The following SLC39A14 variants were observed in gnomAD, a reference collection of about 807,000 sequenced individuals.
The protein encoded by SLC39A14 is solute carrier family 39 member 14, also known as metal cation symporter ZIP14.
SLC39A14 carries 19 observed loss-of-function variants against 45.5 expected under a neutral mutation model. That is an observed-to-expected ratio of 0.42 (90% CI 0.29 to 0.61). The LOEUF (loss-of-function observed/expected upper bound fraction) is 0.61, where lower values mean the gene tolerates loss of function less well. Among genes scored for constraint, SLC39A14 ranks in the 20% least tolerant of loss-of-function variants. SLC39A14 has a pLI of 0.22. For missense variants in SLC39A14, 447 were observed against 616.5 expected (o/e 0.73, Z 2.91); for synonymous variants, 264 against 251.3 (o/e 1.05, Z -0.48).
At chr8:22,381,785 A>G (rs1833527006) in intron 1 of SLC39A14, among the ~76,000 whole-genome samples, 1 of 152,224 alleles carries the variant, frequency 6.6e-6, no homozygotes, top group Non-Finnish European at 1.5e-5. Context: ...ACATGTGACA[A>G]AAGGTTAATA....
At chr8:22,378,634 C>A (rs994983682) in intron 1 of SLC39A14, among the ~76,000 whole-genome samples, 1 of 152,214 alleles carries the variant, frequency 6.6e-6, no homozygotes, top group Admixed American at 6.5e-5. Context: ...CAAGAGGAGC[C>A]ATCCTTGTAA....
intron 8 of SLC39A14, among the ~76,000 whole-genome samples, chr8:22,430,130 G>C (rs534852670): frequency 7.4e-4 from 112 of 152,304 alleles, no homozygotes; most frequent in Middle Eastern, 6.8e-3. Context: ...GAAAGGAGAA[G>C]ACATTTGTTT....
At position 22,412,120 on chromosome 8, in the gene SLC39A14, A is replaced by T. The variant is rs1835607387; in HGVS notation, c.541A>T (p.Thr181Ser). 4.5e-6 allele frequency: 7 copies of T among 1,551,578 alleles called. No individual in the cohort carries two copies. The highest frequency in any genetic ancestry group is 6.1e-6 in the Non-Finnish European group (7 of 1,146,972). The stretch of plus-strand genomic sequence containing the variant: ...CAGCGTGGTGCCCTTCATGAAGAAG[A>T]CCTTTTACAAGAGGCTGCTGCTCTA... The part of the protein sequence containing the change: ...GASVVPFMKK[T>S]FYKRLLLYFI... Residue 181 changes from threonine to serine, a missense_variant, in exon 4 of 9, where the codon ACC becomes TCC. Around this residue, in one of 2 missense-constraint regions of SLC39A14, gnomAD observed 342 missense variants for 428.1 expected, o/e 0.80. Coordinates refer to ENST00000381237, the MANE Select transcript of SLC39A14 (RefSeq NM_001128431.4).
chr8:22,424,965 G>A (rs1836358332), downstream of SLC39A14, among the ~76,000 whole-genome samples: 1 of 146,316 alleles, frequency 6.8e-6, no homozygotes, highest in Non-Finnish European at 1.5e-5. Flanking sequence ...GGAGGCAGAG[G>A]TTGCAGTGAG....
chr8:22,418,979 T>G (rs1299460039), intron 8 of SLC39A14, among the ~76,000 whole-genome samples: 1 of 151,870 alleles, frequency 6.6e-6, no homozygotes, highest in East Asian at 1.9e-4. Flanking sequence ...CAGTGAGCTA[T>G]GTTCGCACCA....
At chr8:22,416,909 G>A (rs900455233) in intron 7 of SLC39A14, among the ~76,000 whole-genome samples, 1 of 152,180 alleles carries the variant, frequency 6.6e-6, no homozygotes. Flanking sequence ...CAAAGGGTGA[G>A]AGGGACTTCC....
intron 1 of SLC39A14, 77 bp from the exon 2 acceptor site, chr8:22,404,619 T>C (rs1427057480): frequency 6.6e-6 from 9 of 1,372,052 alleles, no homozygotes; most frequent in South Asian, 1.3e-5. Flanking sequence ...ACATGTTCAG[T>C]GTGTGGCGGG....
At chr8:22,395,697 G>A (rs1395731972) in intron 1 of SLC39A14, among the ~76,000 whole-genome samples, 2 of 152,082 alleles carry the variant, frequency 1.3e-5, no homozygotes, top group Non-Finnish European at 2.9e-5. Flanking sequence ...TTGAGCTCTC[G>A]TCTCGTGGAA....
intron 8 of SLC39A14, among the ~76,000 whole-genome samples, chr8:22,430,343 C>T (rs887534960): frequency 1.3e-5 from 2 of 152,148 alleles, no homozygotes; most frequent in African/African-American, 4.8e-5. Flanking sequence ...GCTGGGATTA[C>T]AGGCGTGGGC....
chr8:22,393,739 A>G (rs1213122215), intron 1 of SLC39A14, among the ~76,000 whole-genome samples: 1 of 151,846 alleles, frequency 6.6e-6, no homozygotes, highest in East Asian at 1.9e-4. Context: ...TGGCACAGTC[A>G]TAGCTCACTG....
At position 22,420,369 on chromosome 8, in the gene SLC39A14, G is replaced by A. The variant is rs566589554; in HGVS notation, c.*671G>A. On this transcript the variant is annotated 3_prime_UTR_variant, in exon 9 of 9. Coordinates refer to ENST00000381237, the MANE Select transcript of SLC39A14 (RefSeq NM_001128431.4). The stretch of plus-strand genomic sequence containing the variant: ...TACTGAGATGCTGGATATTGATTTT[G>A]TAACAGCACCTGGTGTTTCACGGCT... 1 of 985,342 alleles carries A rather than the reference G, an allele frequency of 1.0e-6. No homozygotes were observed. The highest frequency in any genetic ancestry group is 1.2e-6 in the Non-Finnish European group (1 of 829,964). 61.0% of individuals were successfully genotyped at this position (985,342 alleles called of 1,614,324 possible). A position where few individuals can be genotyped will look rare whatever the true frequency, so the allele number is the denominator to read the frequency against.
At chr8:22,410,712 CTT>C (rs1246792001) in intron 3 of SLC39A14, among the ~76,000 whole-genome samples, 3 of 152,184 alleles carry the variant, frequency 2.0e-5, no homozygotes, top group Non-Finnish European at 4.4e-5. Flanking sequence ...TGCATCTTGA[CTT>C]TTTTCTGATA....
chr8:22,428,278 CAA>C (rs944260003), intron 8 of SLC39A14, among the ~76,000 whole-genome samples: 8 of 152,012 alleles, frequency 5.3e-5, no homozygotes, highest in African/African-American at 1.9e-4. Context: ...GCCTGGGCAA[CAA>C]GAGCGAAACT....
Position 22,404,992 on chromosome 8 carries a change from C to G in SLC39A14, c.270+12C>G. On this transcript the variant is annotated intron_variant, in intron 2 of 8. Transcript: ENST00000381237. The stretch of plus-strand genomic sequence containing the variant: ...GGAACCTCTCCACGGTAAGGCTCCC[C>G]TGTGAGCCAGCAGCTCTGCTCAGCC... 1 of 1,610,466 alleles carries G rather than the reference C, an allele frequency of 6.2e-7. No individual in the cohort carries two copies. The highest frequency in any genetic ancestry group is 8.5e-7 in the Non-Finnish European group (1 of 1,177,944).
At chr8:22,425,793 G>GGTA (rs10622622), downstream of SLC39A14, among the ~76,000 whole-genome samples, 50,890 of 151,404 alleles carry the variant, frequency 0.34, 9,335 homozygotes, top group East Asian at 0.6. Flanking sequence ...ATTCCAAGAT[G>GGTA]GTAGCATCAA....
chr8:22,407,265 C>T (rs1835278008), intron 2 of SLC39A14, among the ~76,000 whole-genome samples: 1 of 152,242 alleles, frequency 6.6e-6, no homozygotes, highest in Non-Finnish European at 1.5e-5. Flanking sequence ...CTGGAACCCG[C>T]ATTTTAACAT....
At chr8:22,374,720 G>A (rs1833116881) in intron 1 of SLC39A14, among the ~76,000 whole-genome samples, 1 of 151,114 alleles carries the variant, frequency 6.6e-6, no homozygotes, top group Non-Finnish European at 1.5e-5. Flanking sequence ...CTGTCTTGGG[G>A]TGCAGCCTGC....
chr8:22,405,539 T>A (rs1835162106), intron 2 of SLC39A14, among the ~76,000 whole-genome samples: 1 of 152,138 alleles, frequency 6.6e-6, no homozygotes, highest in Non-Finnish European at 1.5e-5. Context: ...AAAGGCAGCC[T>A]GGAAGTGGGG....
chr8:22,383,209 G>A (rs1833609864), intron 1 of SLC39A14, among the ~76,000 whole-genome samples: 1 of 152,132 alleles, frequency 6.6e-6, no homozygotes, highest in South Asian at 2.1e-4. Flanking sequence ...TGAGGGCAGG[G>A]ACTGCCTCCC....
Sources: gnomAD v4.1 joint callset for allele counts (sites outside exome capture counted in the v4.1 genomes callset) on GRCh38, gnomAD v4.1.1 for gene constraint, gnomAD v4.1.1 regional missense constraint, MANE v1.5 for transcripts, NCBI Gene and HGNC (gene_info 2026-07-23, HGNC 2026-07-21) for gene names.